Variants in MTPN observed in about 807,000 individuals in gnomAD.
The protein encoded by MTPN is granule cell differentiation protein.
In MTPN, 2 loss-of-function variants were observed where a neutral mutation model predicts 13.5. The ratio of observed to expected loss-of-function variants is 0.15; its 90% CI spans 0.06 to 0.47. The LOEUF (loss-of-function observed/expected upper bound fraction) is 0.47. Among genes scored for constraint, MTPN ranks in the 20% least tolerant of loss-of-function variants. MTPN has a pLI of 0.97. For synonymous variants in MTPN, 46 were observed against 51.7 expected, an observed-to-expected ratio of 0.89 and a Z score of 0.48; for missense variants, 79 against 137.9, an observed-to-expected ratio of 0.57 and a Z score of 2.14.
At chr7:135,967,703 A>G (rs115608885) in intron 1 of MTPN, among the ~76,000 whole-genome samples, 2,622 of 152,254 alleles carry the variant, frequency 0.017, 62 homozygotes, top group African/African-American at 0.06. Context: ...GCCAGGCACA[A>G]TGGTACACAG....
intron 1 of MTPN, among the ~76,000 whole-genome samples, chr7:135,974,765 A>C (rs1309992303): frequency 1.3e-5 from 2 of 152,210 alleles, no homozygotes; most frequent in Non-Finnish European, 2.9e-5. Flanking sequence ...TCAAAAAGTG[A>C]GTGTTCACAA....
chr7:135,949,350 A>G (rs532944742), intron 3 of MTPN, among the ~76,000 whole-genome samples: 1 of 152,192 alleles, frequency 6.6e-6, no homozygotes, highest in Non-Finnish European at 1.5e-5. Context: ...GATGAACAGT[A>G]AAGAGAAAGA....
At chr7:135,964,264 T>C (rs968903728) in intron 1 of MTPN, among the ~76,000 whole-genome samples, 3 of 152,110 alleles carry the variant, frequency 2.0e-5, no homozygotes, top group Admixed American at 2.0e-4. Flanking sequence ...AAATAATGTA[T>C]TCAGAACTCA....
intron 1 of MTPN, among the ~76,000 whole-genome samples, chr7:135,966,118 C>T (rs61049103): frequency 0.02 from 3,027 of 152,102 alleles, 99 homozygotes; most frequent in African/African-American, 0.07. Context: ...AAAAGTAGCT[C>T]CCAGAACTGC....
chr7:135,955,757 T>C (rs1364848270), intron 1 of MTPN, among the ~76,000 whole-genome samples: 2 of 152,176 alleles, frequency 1.3e-5, no homozygotes, highest in Non-Finnish European at 2.9e-5. Context: ...GGAATAAGGT[T>C]GATTTAATAT....
intron 1 of MTPN, among the ~76,000 whole-genome samples, chr7:135,962,767 C>T (rs1799545155): frequency 6.6e-6 from 1 of 151,948 alleles, no homozygotes; most frequent in African/African-American, 2.4e-5. Context: ...TTCTTACAGG[C>T]CTCTATTACA....
chr7:135,949,290 CT>C (rs1799328707), intron 3 of MTPN, among the ~76,000 whole-genome samples: 4 of 152,124 alleles, frequency 2.6e-5, no homozygotes, highest in Admixed American at 6.6e-5. Flanking sequence ...ATGAAATTAT[CT>C]AGCAGTATTC....
chr7:135,944,249 A>G (rs1799255025), intron 3 of MTPN, among the ~76,000 whole-genome samples: 1 of 152,180 alleles, frequency 6.6e-6, no homozygotes, highest in African/African-American at 2.4e-5. Context: ...AGTATTCCTT[A>G]GGATTAGGAA....
Position 135,951,610 on chromosome 7 carries a change from T to C in MTPN, c.93A>G (p.Thr31=), listed in dbSNP as rs776822058. The part of the protein sequence containing the change: ...YVAKGEDVNR[T]LEGGRKPLHY... ...GAAGAGGTTTCCTTCCACCTTCTAG[T>C]GTCCGGTTGACATCTTCTCCCTGAT... is the stretch of plus-strand genomic sequence containing the variant. The change falls in exon 2 of 4, where the codon ACA becomes ACG. Residue 31 remains threonine (T), a synonymous_variant. Transcript: ENST00000393085. 3.1e-6 allele frequency: 5 copies of C among 1,611,480 alleles called. No homozygotes were observed. Among genetic ancestry groups the C allele is most frequent in the Non-Finnish European group, 4.2e-6 (5 of 1,178,448 alleles).
chr7:135,963,244 C>T (rs910466940), intron 1 of MTPN, among the ~76,000 whole-genome samples: 4 of 151,968 alleles, frequency 2.6e-5, no homozygotes, highest in African/African-American at 9.7e-5. Flanking sequence ...AATGACAGAT[C>T]CATTTGAGAT....
intron 3 of MTPN, among the ~76,000 whole-genome samples, chr7:135,942,676 T>C (rs887505496): frequency 4.6e-5 from 7 of 152,256 alleles, no homozygotes; most frequent in Non-Finnish European, 7.3e-5. Flanking sequence ...GGAAATGTCA[T>C]TTAACTGTGA....
intron 1 of MTPN, among the ~76,000 whole-genome samples, chr7:135,975,480 GACTT>G: frequency 6.6e-6 from 1 of 152,198 alleles, no homozygotes; most frequent in Admixed American, 6.5e-5. Flanking sequence ...CCAATAATAG[GACTT>G]ACTTCCCAGT....
chr7:135,966,707 A>G (rs1039496138), intron 1 of MTPN, among the ~76,000 whole-genome samples: 1 of 152,166 alleles, frequency 6.6e-6, no homozygotes, highest in African/African-American at 2.4e-5. Context: ...ATGCCTGAGC[A>G]TTTGTATCAG....
intron 1 of MTPN, among the ~76,000 whole-genome samples, chr7:135,952,499 C>T (rs1799377226): frequency 6.6e-6 from 1 of 152,196 alleles, no homozygotes; most frequent in South Asian, 2.1e-4. Flanking sequence ...CCATCTAATA[C>T]ATGAAAACTC....
At position 135,929,570 on chromosome 7, in the gene MTPN, T is replaced by C. The variant is rs1395924152; in HGVS notation, c.*356A>G. On this transcript the variant is annotated 3_prime_UTR_variant, in exon 4 of 4. Coordinates refer to ENST00000393085, the MANE Select transcript of MTPN (RefSeq NM_145808.4). The stretch of plus-strand genomic sequence containing the variant: ...ACCAAATATGTAGAGTTGGCCTTTG[T>C]AGAATCAGACCTTCAACACAATCTA... The C allele has an allele frequency of 4.3e-6, 1 of 231,302 alleles. No individual in the cohort carries two copies. The highest frequency in any genetic ancestry group is 9.6e-6 in the Non-Finnish European group (1 of 104,538). 14.3% of individuals were successfully genotyped at this position (231,302 alleles called of 1,614,324 possible). A position where few individuals can be genotyped will look rare whatever the true frequency, so the allele number is the denominator to read the frequency against.
At position 135,929,912 on chromosome 7, in the gene MTPN, A is replaced by G. The variant is rs781238914; in HGVS notation, c.*14T>C. ...GGAGAGTCATTCTTCCGGAGTTATCAGTCCATCCATCCATCACTGGAGAAG... is the reference window on the plus strand; with the variant it reads ...GGAGAGTCATTCTTCCGGAGTTATCGGTCCATCCATCCATCACTGGAGAAG... On this transcript the variant is annotated 3_prime_UTR_variant, in exon 4 of 4. Transcript: ENST00000393085. 5 of 1,613,038 alleles carry G rather than the reference A, an allele frequency of 3.1e-6. No individual in the cohort carries two copies. In the Admixed American group the frequency reaches 6.7e-5, roughly 22 times the overall value.
In MTPN at chr7:135,977,040, A is replaced by G. The variant is rs759551260; in HGVS notation, c.61T>C (p.Tyr21His). The change falls in exon 1 of 4, where the codon TAT becomes CAT. Residue 21 changes from tyrosine (Y) to histidine (H), a missense_variant. Tyr to His is a moderately conservative substitution (Grantham distance 83). Coordinates refer to ENST00000393085, the MANE Select transcript of MTPN (RefSeq NM_145808.4). ...TCATCCCCGCTTACCTTGGCCACAT[A>G]GTCTTTCACCTCATCCAAGTCTCCG... ...KNGDLDEVKDYVAKGEDVNRT... is the reference protein window; with the variant it reads ...KNGDLDEVKDHVAKGEDVNRT... 3 of 1,613,732 alleles carry G rather than the reference A, an allele frequency of 1.9e-6. No individual in the cohort carries two copies. The highest frequency in any genetic ancestry group is 2.5e-6 in the Non-Finnish European group (3 of 1,179,956).
chr7:135,933,561 T>A (rs1799062824), intron 3 of MTPN, among the ~76,000 whole-genome samples: 1 of 152,212 alleles, frequency 6.6e-6, no homozygotes, highest in African/African-American at 2.4e-5. Context: ...TTCTTATAGT[T>A]AAGTAAGTGA....
chr7:135,965,655 T>A (rs1369255491), intron 1 of MTPN, among the ~76,000 whole-genome samples: 2 of 152,108 alleles, frequency 1.3e-5, no homozygotes, highest in Admixed American at 6.6e-5. Context: ...TCTAAAATGA[T>A]AGTCATGAGA....
Sources: gnomAD v4.1 joint callset for allele counts (sites outside exome capture counted in the v4.1 genomes callset) on GRCh38, gnomAD v4.1.1 for gene constraint, MANE v1.5 for transcripts, NCBI Gene and HGNC (gene_info 2026-07-23, HGNC 2026-07-21) for gene names.